Variants in PATL1 observed in about 807,000 individuals in gnomAD.
PATL1 encodes PAT1 homolog 1, processing body mRNA decay factor, also known as protein PAT1 homolog 1.
In PATL1, 32 loss-of-function variants were observed where a neutral mutation model predicts 100.6. That is an observed-to-expected ratio of 0.32 (90% CI 0.24 to 0.43). The LOEUF (loss-of-function observed/expected upper bound fraction) is 0.43, where lower values mean the gene tolerates loss of function less well. Ranked by LOEUF, PATL1 falls within the 20% of genes least tolerant of loss-of-function variation. PATL1 has a pLI of 1.00. For synonymous variants in PATL1, 332 were observed against 330.0 expected (o/e 1.01, Z -0.07); for missense variants, 747 against 949.9 (o/e 0.79, Z 2.81).
chr11:59,657,437 A>T, intron 5 of PATL1, 93 bp downstream of exon 5: 1 of 1,238,024 alleles, frequency 8.1e-7, no homozygotes, highest in Non-Finnish European at 1.1e-6. Flanking sequence ...GCCTACCCAA[A>T]ATTTCCACCC....
At chr11:59,655,135 C>T (rs1590700995) in intron 8 of PATL1, among the ~76,000 whole-genome samples, 1 of 152,224 alleles carries the variant, frequency 6.6e-6, no homozygotes, top group Non-Finnish European at 1.5e-5. Context: ...AACATTCTTG[C>T]TCTCTTTCCT....
chr11:59,651,241 A>C (rs1434591108), intron 12 of PATL1, among the ~76,000 whole-genome samples: 3 of 152,150 alleles, frequency 2.0e-5, no homozygotes, highest in African/African-American at 7.2e-5. Context: ...CTCTTCCTGA[A>C]AATCTTAAAA....
chr11:59,657,569 G>C lies in PATL1; in HGVS notation c.582C>G (p.Thr194=). 1 of 1,611,836 alleles carries C rather than the reference G, an allele frequency of 6.2e-7. No individual in the cohort carries two copies. Among genetic ancestry groups the C allele is most frequent in the Non-Finnish European group, 8.5e-7 (1 of 1,179,640 alleles). Residue 194 remains threonine, a synonymous_variant, in exon 5 of 19, where the codon ACC becomes ACG. Coordinates refer to ENST00000300146, the MANE Select transcript of PATL1 (RefSeq NM_152716.3). ...SPPVRAVPIG[T]PPKQMAVPSF... is the part of the protein sequence containing the mutation. ...TGGGTACAGCCATCTGTTTAGGTGG[G>C]GTGCCTATGGGGACAGCTCTAACAG...
At chr11:59,645,823 C>T (rs1411614383) in intron 15 of PATL1, among the ~76,000 whole-genome samples, 1 of 152,116 alleles carries the variant, frequency 6.6e-6, no homozygotes, top group African/African-American at 2.4e-5. Flanking sequence ...CTATTAACTT[C>T]CTTGCTTTCT....
At chr11:59,643,684 C>T (rs1234254687) in intron 15 of PATL1, among the ~76,000 whole-genome samples, 1 of 151,844 alleles carries the variant, frequency 6.6e-6, no homozygotes, top group Non-Finnish European at 1.5e-5. Flanking sequence ...AGGGTGAGAC[C>T]CACCCTGTCT....
chr11:59,650,834 C>G (rs1464011684), intron 12 of PATL1, 21 bp from the exon 13 acceptor site: 5 of 1,501,676 alleles, frequency 3.3e-6, no homozygotes, highest in Non-Finnish European at 2.7e-6. Context: ...GAAGACTATT[C>G]AATGCAAATT....
intron 15 of PATL1, among the ~76,000 whole-genome samples, chr11:59,644,641 CCT>C (rs1255019312): frequency 6.6e-6 from 1 of 152,122 alleles, no homozygotes; most frequent in Non-Finnish European, 1.5e-5. Context: ...GTTCTGCTAT[CCT>C]CTGTTTCCCT....
At chr11:59,644,890 CTTTT>C (rs71036539) in intron 15 of PATL1, among the ~76,000 whole-genome samples, 1 of 83,792 alleles carries the variant, frequency 1.2e-5, no homozygotes, top group African/African-American at 5.3e-5. Flanking sequence ...ACTTCGTTTC[CTTTT>C]TTTTTTTTTT....
chr11:59,636,934 C>A lies in PATL1; in HGVS notation c.*1456G>T. 6.5e-6 allele frequency: 1 copy of A among 152,738 alleles called. No individual in the cohort carries two copies. The highest frequency in any genetic ancestry group is 1.5e-5 in the Non-Finnish European group (1 of 68,074). The allele number at this position is 152,738 out of a possible 1,614,324, so 9.5% of individuals were successfully genotyped here. A position where few individuals can be genotyped will look rare whatever the true frequency, so the allele number is the denominator to read the frequency against. ...ACAACGGTAGAGGGAAGCTAGGTAA[C>A]ATCACTGGGGAACAGCTGGTGGAGC... is the stretch of plus-strand genomic sequence containing the variant. On this transcript the variant is annotated 3_prime_UTR_variant, in exon 19 of 19. Transcript: ENST00000300146.
rs138002540 is a variant in PATL1 at position 59,666,849 on chromosome 11, T to C, written c.127+4A>G. 3,408 of 1,547,678 alleles carry C rather than the reference T, an allele frequency of 2.2e-3. 64 individuals carry two copies. The East Asian group carries it at 0.033, about 15-fold the overall frequency. ...TGATATTATAAGCGAAAGATGTCAC[T>C]TACCAACTGCACCTGACCCAAATGT... On this transcript the variant is annotated splice_donor_region_variant and intron_variant, in intron 2 of 18. Transcript: ENST00000300146.
At chr11:59,647,645 G>T (rs1303127693) in intron 15 of PATL1, 109 bp downstream of exon 15, 4 of 1,195,186 alleles carry the variant, frequency 3.3e-6, no homozygotes, top group African/African-American at 3.1e-5. Flanking sequence ...CACAGCCAAA[G>T]ATTAGACAAA....
intron 16 of PATL1, 189 bp downstream of exon 16, chr11:59,642,691 A>G: frequency 1.7e-6 from 1 of 580,116 alleles, no homozygotes; most frequent in South Asian, 2.9e-5. Context: ...TTTATTTCAC[A>G]CTAGACACAT....
chr11:59,650,704 T>G, intron 13 of PATL1, 50 bp downstream of exon 13: 1 of 1,325,616 alleles, frequency 7.5e-7, no homozygotes, highest in Non-Finnish European at 1.0e-6. Context: ...ATACATACAT[T>G]TGACAGTTCC....
chr11:59,644,437 A>G (rs1409554550), intron 15 of PATL1, among the ~76,000 whole-genome samples: 1 of 152,182 alleles, frequency 6.6e-6, no homozygotes, highest in African/African-American at 2.4e-5. Flanking sequence ...ACTTTGTATT[A>G]GAACCATTAT....
chr11:59,656,521 G>A lies in PATL1; in HGVS notation c.701C>T (p.Pro234Leu), dbSNP rs1373977883. 3 of 1,613,782 alleles carry A rather than the reference G, an allele frequency of 1.9e-6. No individual in the cohort carries two copies. Among genetic ancestry groups the A allele is most frequent in the Non-Finnish European group, 2.5e-6 (3 of 1,179,822 alleles). Reference sequence around the variant, plus strand: ...TACCGGGACACTGCAGAGCTGGTTTGGAGACATCCTCTCACCATAGGGAGC... The same window carrying A: ...TACCGGGACACTGCAGAGCTGGTTTAGAGACATCCTCTCACCATAGGGAGC... ...YPAPYGERMS[P>L]NQLCSVPNSS... is the part of the protein sequence containing the mutation. The change falls in exon 6 of 19, where the codon CCA becomes CTA. Residue 234 changes from proline to leucine, a missense_variant. By Grantham distance (98) the Pro-to-Leu change is moderately conservative (BLOSUM62 -3). Transcript: ENST00000300146.
intron 8 of PATL1, 21 bp from the exon 9 acceptor site, chr11:59,654,093 G>T (rs1861487328): frequency 6.3e-7 from 1 of 1,592,382 alleles, no homozygotes. Flanking sequence ...CGGAAAAGAG[G>T]TTCTCAGTTT....
At chr11:59,640,564 CA>C (rs1183813691) in intron 16 of PATL1, among the ~76,000 whole-genome samples, 8 of 147,770 alleles carry the variant, frequency 5.4e-5, no homozygotes, top group Admixed American at 1.3e-4. Flanking sequence ...CTAAAAAATA[CA>C]AAAAATTAGC....
chr11:59,668,850 G>A, intron 1 of PATL1, 31 bp downstream of exon 1: 2 of 1,305,886 alleles, frequency 1.5e-6, no homozygotes, highest in South Asian at 1.4e-5. Flanking sequence ...CGGGAGGGAG[G>A]GAGGGGTCAC....
At chr11:59,662,235 A>G (rs1861636031) in intron 2 of PATL1, among the ~76,000 whole-genome samples, 1 of 152,222 alleles carries the variant, frequency 6.6e-6, no homozygotes, top group Non-Finnish European at 1.5e-5. Flanking sequence ...TCACTGTGCC[A>G]TCACTGGGAT....
Sources: allele counts gnomAD v4.1 joint callset (sites outside exome capture counted in the v4.1 genomes callset), GRCh38; gene constraint gnomAD v4.1.1; transcripts MANE v1.5; gene names NCBI Gene and HGNC (gene_info 2026-07-23, HGNC 2026-07-21).